MRPL39: variants seen among roughly 807,000 people sequenced by gnomAD.
MRPL39 encodes large ribosomal subunit protein mL39.
MRPL39 carries 35 observed loss-of-function variants against 44.5 expected under a neutral mutation model. The ratio of observed to expected loss-of-function variants is 0.79; its 90% confidence interval spans 0.60 to 1.04. The LOEUF is 1.04. Ranked by LOEUF, MRPL39 falls within the 50% of genes least tolerant of loss-of-function variation. MRPL39 has a pLI of 0.00. For missense variants in MRPL39, 433 were observed against 413.5 expected, an observed-to-expected ratio of 1.05 and a Z score of -0.41; for synonymous variants, 139 against 136.1, an observed-to-expected ratio of 1.02 and a Z score of -0.15.
intron 4 of MRPL39, 56 bp downstream of exon 4, chr21:25,601,312 A>G: frequency 8.1e-7 from 1 of 1,230,596 alleles, no homozygotes; most frequent in Admixed American, 2.0e-5. Flanking sequence ...ATACGTCATC[A>G]AAAATAGGTA....
intron 6 of MRPL39, among the ~76,000 whole-genome samples, chr21:25,596,406 T>A (rs1280486578): frequency 6.6e-6 from 1 of 152,206 alleles, no homozygotes; most frequent in Non-Finnish European, 1.5e-5. Flanking sequence ...CCGAGTAAAA[T>A]TTTTTAAGCC....
At chr21:25,601,238 G>T in intron 4 of MRPL39, 130 bp downstream of exon 4, 1 of 442,706 alleles carries the variant, frequency 2.3e-6, no homozygotes, top group East Asian at 3.8e-5. Flanking sequence ...TAGTAAGAAA[G>T]ATTTTGTTAC....
intron 9 of MRPL39, 38 bp from the exon 10 acceptor site, chr21:25,585,792 A>ACTTTCAGT: frequency 6.8e-7 from 1 of 1,465,302 alleles, no homozygotes; most frequent in Non-Finnish European, 9.5e-7. Context: ...CCTAATAAAC[A>ACTTTCAGT]CTTTCAGTTT....
intron 5 of MRPL39, among the ~76,000 whole-genome samples, chr21:25,599,514 G>A (rs2123246362): frequency 6.6e-6 from 1 of 152,142 alleles, no homozygotes; most frequent in South Asian, 2.1e-4. Flanking sequence ...CACTTAGAAG[G>A]AACATCAAGA....
chr21:25,594,903 T>C (rs1001446135), intron 6 of MRPL39, among the ~76,000 whole-genome samples: 9 of 152,314 alleles, frequency 5.9e-5, no homozygotes, highest in African/African-American at 1.9e-4. Context: ...CTTAGTACGA[T>C]ACCACCAACC....
intron 6 of MRPL39, among the ~76,000 whole-genome samples, chr21:25,596,170 C>G (rs930541686): frequency 4.0e-5 from 6 of 151,874 alleles, no homozygotes; most frequent in African/African-American, 1.2e-4. Context: ...GCCACCTAGG[C>G]TCACTGCAAG....
intron 7 of MRPL39, among the ~76,000 whole-genome samples, chr21:25,593,398 A>T (rs960869766): frequency 1.3e-5 from 2 of 152,232 alleles, no homozygotes; most frequent in African/African-American, 4.8e-5. Context: ...GAGAAAATGG[A>T]TCCAGGTCAT....
intron 7 of MRPL39, among the ~76,000 whole-genome samples, chr21:25,593,274 C>T (rs895712580): frequency 6.6e-6 from 1 of 152,202 alleles, no homozygotes; most frequent in African/African-American, 2.4e-5. Flanking sequence ...TACAACCTTA[C>T]AATAACCCAT....
At chr21:25,606,766 G>C (rs1247316564) in intron 1 of MRPL39, 111 bp from the exon 2 acceptor site, 5 of 800,646 alleles carry the variant, frequency 6.2e-6, no homozygotes, top group South Asian at 5.3e-5. Context: ...AACACCAGCG[G>C]AAGAAACAGA....
rs1347929963 is a variant in MRPL39 at position 25,601,408 on chromosome 21, A to G, written c.480T>C (p.Asp160=). 1 of 1,611,380 alleles carries G rather than the reference A, an allele frequency of 6.2e-7. No homozygotes were observed. The highest frequency in any genetic ancestry group is 8.5e-7 in the Non-Finnish European group (1 of 1,178,422). Residue 160 remains aspartate (D), a synonymous_variant, in exon 4 of 10, where the codon GAT becomes GAC. Coordinates refer to ENST00000352957, the MANE Select transcript of MRPL39 (RefSeq NM_017446.4). Reference sequence around the variant, plus strand: ...CTCTGACCAAATTGACCATATATTCATCTTTGAATGCCCTCTCTATCACAC... The same window carrying G: ...CTCTGACCAAATTGACCATATATTCGTCTTTGAATGCCCTCTCTATCACAC... The part of the protein sequence containing the change: ...MGCVIERAFK[D]EYMVNLVRAP...
chr21:25,598,452 A>AAAG (rs1555852485), intron 5 of MRPL39, among the ~76,000 whole-genome samples: 1 of 146,346 alleles, frequency 6.8e-6, no homozygotes, highest in Admixed American at 6.8e-5. Flanking sequence ...AAAAAAAAAA[A>AAAG]AGAGAGAGAA....
At chr21:25,593,766 C>T (rs978889745) in intron 7 of MRPL39, 127 bp downstream of exon 7, 1 of 691,550 alleles carries the variant, frequency 1.4e-6, no homozygotes, top group East Asian at 2.7e-5. Flanking sequence ...AACGAAGCAA[C>T]CAAAAATAAG....
chr21:25,607,421 C>G lies in MRPL39; in HGVS notation c.55G>C (p.Gly19Arg), dbSNP rs370711679. 2 of 1,613,488 alleles carry G rather than the reference C, an allele frequency of 1.2e-6. No individual in the cohort carries two copies. Among genetic ancestry groups the G allele is most frequent in the South Asian group, 1.1e-5 (1 of 91,080 alleles). Residue 19 changes from glycine (G) to arginine (R), a missense_variant, in exon 1 of 10, where the codon GGT becomes CGT. Transcript: ENST00000352957. ...RALRLWLVAP[G>R]GGIKWRFIAT... ...AACTCACTCCATTTGATCCCGCCAC[C>G]GGGTGCGACCAGCCAGAGCCGCAGC...
At chr21:25,591,219 G>T (rs1449538267) in intron 8 of MRPL39, among the ~76,000 whole-genome samples, 1 of 151,668 alleles carries the variant, frequency 6.6e-6, no homozygotes, top group Non-Finnish European at 1.5e-5. Flanking sequence ...AAATCTTTGG[G>T]ATGTAGGACT....
At chr21:25,601,879 A>G (rs982756665) in intron 3 of MRPL39, among the ~76,000 whole-genome samples, 2 of 152,186 alleles carry the variant, frequency 1.3e-5, no homozygotes, top group Non-Finnish European at 2.9e-5. Flanking sequence ...TTTATGAATT[A>G]TTAGTGACTC....
At chr21:25,599,912 C>A (rs763040683) in intron 4 of MRPL39, 46 bp from the exon 5 acceptor site, 10 of 1,424,184 alleles carry the variant, frequency 7.0e-6, no homozygotes, top group Admixed American at 6.8e-5. Flanking sequence ...TCTGCCCCAA[C>A]AGAAAGTTAC....
At chr21:25,588,971 ATAAAT>A (rs1413999869) in intron 8 of MRPL39, 89 bp from the exon 9 acceptor site, 1 of 1,145,356 alleles carries the variant, frequency 8.7e-7, no homozygotes, top group African/African-American at 1.6e-5. Flanking sequence ...TTAGAACAAA[ATAAAT>A]AAAAAGCTAG....
At chr21:25,607,616 C>T (rs973426479), upstream of MRPL39, 52 of 812,066 alleles carry the variant, frequency 6.4e-5, no homozygotes, top group Non-Finnish European at 9.1e-5. Flanking sequence ...GGCGTCAGGC[C>T]TCGCTGGGGA....
At chr21:25,607,734 G>T (rs1401892343), upstream of MRPL39, among the ~76,000 whole-genome samples, 1 of 152,208 alleles carries the variant, frequency 6.6e-6, no homozygotes, top group African/African-American at 2.4e-5. Context: ...CGGTCGGCCT[G>T]CCGCCCACCA....
Sources: gnomAD v4.1 joint callset for allele counts (sites outside exome capture counted in the v4.1 genomes callset) on GRCh38, gnomAD v4.1.1 for gene constraint, MANE v1.5 for transcripts, NCBI Gene and HGNC (gene_info 2026-07-23, HGNC 2026-07-21) for gene names.